Variants in ATP2C2 observed in about 807,000 individuals in gnomAD.
ATP2C2 encodes the protein ATPase secretory pathway Ca2+ transporting 2.
ATP2C2 carries 171 observed loss-of-function variants against 110.8 expected under a neutral mutation model. The ratio of observed to expected loss-of-function variants is 1.54; its 90% CI spans 1.36 to 1.75. The LOEUF is 1.75. Among genes scored for constraint, ATP2C2 ranks in the 40% most tolerant of loss-of-function variants. The pLI is 0.00. For synonymous variants in ATP2C2, 804 were observed against 508.4 expected (o/e 1.58, Z -7.82); for missense variants, 1,963 against 1,235.0 (o/e 1.59, Z -8.84).
chr16:84,427,736 A>G (rs1907924884), intron 11 of ATP2C2, among the ~76,000 whole-genome samples: 1 of 151,990 alleles, frequency 6.6e-6, no homozygotes. Context: ...ACAAACCAAA[A>G]CATAGGTCAC....
rs571898397 is a variant in ATP2C2, at chr16:84,403,355, G to A, written c.211-1773G>A. 5.0e-4 allele frequency among the ~76,000 whole-genome samples: 76 copies of A among 152,168 alleles called. 1 individual carries two copies. The highest frequency in any genetic ancestry group is 1.7e-3 in the African/African-American group (69 of 41,502). ...TGGTCTCATTCTGTTGCCCAGGCTCGAGTCCAGTGCTGCAATCAAGGGCCA... is the reference window on the plus strand; with the variant it reads ...TGGTCTCATTCTGTTGCCCAGGCTCAAGTCCAGTGCTGCAATCAAGGGCCA... On this transcript the variant is annotated intron_variant, in intron 2 of 26. Transcript: ENST00000262429.
intron 7 of ATP2C2, among the ~76,000 whole-genome samples, chr16:84,418,846 C>G (rs2046673809): frequency 6.6e-6 from 1 of 152,166 alleles, no homozygotes; most frequent in South Asian, 2.1e-4. Context: ...GGGCTTAAAA[C>G]AAGGTGAAGA....
At chr16:84,421,832 T>G (rs1907366758) in intron 7 of ATP2C2, among the ~76,000 whole-genome samples, 2 of 152,012 alleles carry the variant, frequency 1.3e-5, no homozygotes, top group South Asian at 4.2e-4. Context: ...GGGTGGTGAG[T>G]TCTGAGGGCT....
intron 21 of ATP2C2, among the ~76,000 whole-genome samples, chr16:84,458,648 C>G (rs4782969): frequency 5.3e-5 from 8 of 152,112 alleles, no homozygotes; most frequent in Non-Finnish European, 1.2e-4. Flanking sequence ...AAAGGGCTTC[C>G]GCGAAGAGCC....
In ATP2C2 at chr16:84,449,189, A is replaced by T. The variant is rs1224923526; in HGVS notation, c.1660+500A>T. Among the ~76,000 whole-genome samples, 15 of 152,340 alleles carry T rather than the reference A, an allele frequency of 9.8e-5. No individual in the cohort carries two copies. In the East Asian group the frequency reaches 2.7e-3, roughly 27 times the overall value. On this transcript the variant is annotated intron_variant, in intron 17 of 26. Coordinates refer to ENST00000262429, the MANE Select transcript of ATP2C2 (RefSeq NM_014861.4). ...GAGGAAGCGTTTAGAAGTGCTCCTG[A>T]GCACTGGTATTCCCTTGGGGGAAAG... is the stretch of plus-strand genomic sequence containing the variant.
intron 2 of ATP2C2, chr16:84,404,910 T>A: frequency 1.5e-6 from 1 of 674,622 alleles, no homozygotes. Context: ...AGAGTCGTCT[T>A]TTCTGCTGTA....
At chr16:84,379,287 A>C (rs1188165658) in intron 1 of ATP2C2, among the ~76,000 whole-genome samples, 1 of 151,716 alleles carries the variant, frequency 6.6e-6, no homozygotes, top group Admixed American at 6.6e-5. Flanking sequence ...GGCTGAAGTG[A>C]TCCTCCCACC....
intron 11 of ATP2C2, among the ~76,000 whole-genome samples, chr16:84,427,973 G>C (rs1907943510): frequency 6.6e-6 from 1 of 152,150 alleles, no homozygotes; most frequent in Non-Finnish European, 1.5e-5. Context: ...AAACCAGAAA[G>C]GTATAGAACA....
At chr16:84,406,546 C>G (rs1393125760) in intron 3 of ATP2C2, 2 of 969,836 alleles carry the variant, frequency 2.1e-6, no homozygotes, top group Non-Finnish European at 2.5e-6. Context: ...GCAGCATCCT[C>G]TGTCTCCACT....
At chr16:84,425,686 A>G (rs755564317) in intron 10 of ATP2C2, 49 bp from the exon 11 acceptor site, 33 of 1,582,586 alleles carry the variant, frequency 2.1e-5, no homozygotes, top group Non-Finnish European at 2.8e-5. Flanking sequence ...TCCAGGCATC[A>G]GCGTGTGTAG....
chr16:84,415,750 T>C (rs898666235), intron 7 of ATP2C2, among the ~76,000 whole-genome samples, 159 bp downstream of exon 7: 1 of 152,226 alleles, frequency 6.6e-6, no homozygotes, highest in Non-Finnish European at 1.5e-5. Flanking sequence ...CAGACAAGCG[T>C]GTTCTACGCA....
intron 1 of ATP2C2, among the ~76,000 whole-genome samples, chr16:84,370,752 T>G (rs1909907032): frequency 6.6e-6 from 1 of 152,092 alleles, no homozygotes; most frequent in Non-Finnish European, 1.5e-5. Context: ...CCGTCTTTTA[T>G]GAGCACTAAT....
chr16:84,425,700 A>G (rs369467239), intron 10 of ATP2C2, 35 bp from the exon 11 acceptor site: 14 of 1,605,230 alleles, frequency 8.7e-6, no homozygotes, highest in African/African-American at 5.4e-5. Context: ...TGTGTAGTGC[A>G]TATGGAGATA....
In ATP2C2 at chr16:84,459,306, C is replaced by G. The variant is rs371639847; in HGVS notation, c.2253C>G (p.Thr751=). 1.9e-6 allele frequency: 3 copies of G among 1,614,092 alleles called. No homozygotes were observed. Among genetic ancestry groups the G allele is most frequent in the African/African-American group, 2.7e-5 (2 of 74,934 alleles). ...ISALSLITLS[T]VFNLPSPLNA... ...CCCTGAGTCTCATCACTCTGTCCACCGTGTTCAACCTGCCCAGCCCCCTCA... is the reference window on the plus strand; with the variant it reads ...CCCTGAGTCTCATCACTCTGTCCACGGTGTTCAACCTGCCCAGCCCCCTCA... The change falls in exon 23 of 27, where the codon ACC becomes ACG. Residue 751 remains threonine (T), a synonymous_variant. Transcript: ENST00000262429.
At chr16:84,376,154 A>C (rs1481008364) in intron 1 of ATP2C2, among the ~76,000 whole-genome samples, 1 of 152,170 alleles carries the variant, frequency 6.6e-6, no homozygotes, top group Non-Finnish European at 1.5e-5. Flanking sequence ...GCGGCTTCCC[A>C]ACACAGAGAT....
At position 84,463,738 on chromosome 16, in the gene ATP2C2, C is replaced by T. The variant is rs200890678; in HGVS notation, c.*6C>T. On this transcript the variant is annotated 3_prime_UTR_variant, in exon 27 of 27. Coordinates refer to ENST00000262429, the MANE Select transcript of ATP2C2 (RefSeq NM_014861.4). ...TGCACCCTGAAGATGTGTAGTGGAC[C>T]GCACTCCGCGGCACCTTCCCTAATC... 1.4e-4 allele frequency: 229 copies of T among 1,598,174 alleles called. 2 individuals carry two copies. The Middle Eastern group carries it at 1.8e-3, about 13-fold the overall frequency.
chr16:84,386,076 T>C (rs1904316830), intron 1 of ATP2C2, among the ~76,000 whole-genome samples: 1 of 152,220 alleles, frequency 6.6e-6, no homozygotes, highest in Admixed American at 6.5e-5. Context: ...CTTCCCTTTC[T>C]GGCATAATGA....
chr16:84,460,188 C>G (rs908201489), intron 23 of ATP2C2: 2 of 208,996 alleles, frequency 9.6e-6, no homozygotes, highest in Admixed American at 5.4e-5. Flanking sequence ...TCAGCTGTGT[C>G]TGAGCGGCAG....
intron 20 of ATP2C2, 71 bp downstream of exon 20, chr16:84,453,442 C>T: frequency 6.3e-7 from 1 of 1,589,064 alleles, no homozygotes; most frequent in Non-Finnish European, 8.6e-7. Context: ...TCGAGGAGCT[C>T]ATGCGTCCGT....
Sources: allele counts gnomAD v4.1 joint callset (sites outside exome capture counted in the v4.1 genomes callset), GRCh38; gene constraint gnomAD v4.1.1; transcripts MANE v1.5; gene names NCBI Gene and HGNC (gene_info 2026-07-23, HGNC 2026-07-21).